Variants in CUBN observed in about 807,000 individuals in gnomAD.
CUBN encodes 460 kDa receptor.
A neutral mutation model predicts 405.3 loss-of-function variants in CUBN; 282 were observed. The ratio of observed to expected loss-of-function variants is 0.70; its 90% CI spans 0.63 to 0.77. The LOEUF is 0.77. Ranked by LOEUF, CUBN falls within the 30% of genes least tolerant of loss-of-function variation. The pLI is 0.00. For missense variants in CUBN, 4,514 were observed against 4,475.2 expected (o/e 1.01, Z -0.25); for synonymous variants, 1,684 against 1,617.0 (o/e 1.04, Z -0.99).
chr10:16,983,048 A>C (rs1456426461), intron 30 of CUBN, among the ~76,000 whole-genome samples: 1 of 152,200 alleles, frequency 6.6e-6, no homozygotes, highest in East Asian at 1.9e-4. Context: ...TTTAAAAATA[A>C]TTTAATATCT....
At chr10:16,902,124 T>C (rs539291961) in intron 51 of CUBN, among the ~76,000 whole-genome samples, 1 of 136,912 alleles carries the variant, frequency 7.3e-6, no homozygotes, top group Admixed American at 7.9e-5. Context: ...ATATATAGTA[T>C]ATATATACAC....
rs144260868 is a variant in CUBN at position 17,000,271 on chromosome 10, A to T, written c.4169-9756T>A. On this transcript the variant is annotated intron_variant, in intron 28 of 66. Coordinates refer to ENST00000377833, the MANE Select transcript of CUBN (RefSeq NM_001081.4). ...CTAAACCTTGGCAACTGACCAGATG[A>T]TCTCCGTGGTTTCTCCCAGATCGGT... Among the ~76,000 whole-genome samples, 210 of 151,890 alleles carry T rather than the reference A, an allele frequency of 1.4e-3. 1 individual carries two copies. The highest frequency in any genetic ancestry group is 6.8e-3 in the Middle Eastern group (2 of 294).
At chr10:17,014,579 A>G (rs1447598965) in intron 28 of CUBN, among the ~76,000 whole-genome samples, 1 of 152,188 alleles carries the variant, frequency 6.6e-6, no homozygotes, top group Non-Finnish European at 1.5e-5. Flanking sequence ...CCCTCTGGCT[A>G]AGATTAGGCC....
intron 22 of CUBN, among the ~76,000 whole-genome samples, chr10:17,065,129 T>TCCC (rs11368099): frequency 2.7e-4 from 33 of 121,542 alleles, no homozygotes; most frequent in East Asian, 6.9e-4. Context: ...TCTCTCTCTC[T>TCCC]CCCCCCCCCC....
intron 17 of CUBN, among the ~76,000 whole-genome samples, 178 bp from the exon 18 acceptor site, chr10:17,072,149 T>C (rs557376189): frequency 5.8e-4 from 89 of 152,186 alleles, no homozygotes; most frequent in Middle Eastern, 3.4e-3. Context: ...TGCAATAACA[T>C]GAAATGCTGA....
intron 33 of CUBN, among the ~76,000 whole-genome samples, chr10:16,950,741 T>G (rs1296483165): frequency 1.3e-5 from 2 of 152,228 alleles, no homozygotes; most frequent in African/African-American, 4.8e-5. Context: ...ATAAGAGGAC[T>G]CCTGGGTAGG....
intron 31 of CUBN, among the ~76,000 whole-genome samples, chr10:16,967,071 A>C (rs1843413058): frequency 6.6e-6 from 1 of 152,338 alleles, no homozygotes; most frequent in East Asian, 1.9e-4. Flanking sequence ...TGAATGCGGA[A>C]GGAAATGAAA....
chr10:16,884,040 C>T (rs759233753), intron 56 of CUBN, among the ~76,000 whole-genome samples: 22 of 152,244 alleles, frequency 1.4e-4, no homozygotes, highest in East Asian at 7.7e-4. Context: ...AGGGCAGTAG[C>T]GCAATCTTGG....
Position 17,125,014 on chromosome 10 carries a change from T to C in CUBN, c.388-1325A>G, listed in dbSNP as rs578100230. Among the ~76,000 whole-genome samples the C allele has an allele frequency of 6.3e-4, 96 of 151,814 alleles. 1 individual carries two copies. Among genetic ancestry groups the C allele is most frequent in the Non-Finnish European group, 2.1e-4 (14 of 67,980 alleles). On this transcript the variant is annotated intron_variant, in intron 4 of 66. Transcript: ENST00000377833. ...GCCTGGCTAATTTTCCTATTTTTAG[T>C]AGAGACAGGGTTCCACCATGTTGAC...
At position 16,869,558 on chromosome 10, in the gene CUBN, G is replaced by C. The variant is rs769403655; in HGVS notation, c.9454+78C>G. On this transcript the variant is annotated intron_variant, in intron 59 of 66. Transcript: ENST00000377833. Reference sequence around the variant, plus strand: ...AAAGCAATCATAATCAGGTGGGGGTGGGGGGGGGGCGGGGAAATTAAATAA... The same window carrying C: ...AAAGCAATCATAATCAGGTGGGGGTCGGGGGGGGGCGGGGAAATTAAATAA... 3.1e-4 allele frequency: 150 copies of C among 488,244 alleles called. No homozygotes were observed. In the African/African-American group the frequency reaches 4.4e-3, roughly 14 times the overall value. The allele number at this position is 488,244 out of a possible 1,614,324, so 30.2% of individuals were successfully genotyped here. A position where few individuals can be genotyped will look rare whatever the true frequency, so the allele number is the denominator to read the frequency against.
At chr10:16,865,339 T>C (rs907586985) in intron 59 of CUBN, among the ~76,000 whole-genome samples, 5 of 152,090 alleles carry the variant, frequency 3.3e-5, no homozygotes, top group African/African-American at 1.2e-4. Flanking sequence ...TGCTTGGGTA[T>C]TTTTGCCTTG....
At chr10:16,842,547 C>T (rs893207221) in intron 60 of CUBN, among the ~76,000 whole-genome samples, 1 of 152,152 alleles carries the variant, frequency 6.6e-6, no homozygotes, top group Non-Finnish European at 1.5e-5. Context: ...CTACTCCAAT[C>T]TACCTTCAAA....
intron 27 of CUBN, among the ~76,000 whole-genome samples, chr10:17,029,370 A>C (rs967208816): frequency 1.3e-5 from 2 of 152,234 alleles, no homozygotes; most frequent in Non-Finnish European, 2.9e-5. Context: ...ATAACTAAAA[A>C]ATCACATTTT....
chr10:17,116,337 G>T (rs191035193), intron 6 of CUBN, among the ~76,000 whole-genome samples: 1 of 152,280 alleles, frequency 6.6e-6, no homozygotes, highest in African/African-American at 2.4e-5. Context: ...CAGCTTAATG[G>T]GAACTTCTAT....
intron 54 of CUBN, among the ~76,000 whole-genome samples, chr10:16,892,056 G>A (rs1044801250): frequency 6.6e-6 from 1 of 152,120 alleles, no homozygotes. Context: ...CTCACCCACA[G>A]CAATAAAACA....
chr10:16,998,885 C>G (rs138901605), intron 28 of CUBN, among the ~76,000 whole-genome samples: 43 of 152,268 alleles, frequency 2.8e-4, no homozygotes, highest in African/African-American at 9.9e-4. Flanking sequence ...TAAGTCATAA[C>G]GATTTTTAGT....
At chr10:16,904,240 G>A (rs1841493536) in intron 50 of CUBN, 125 bp from the exon 51 acceptor site, 2 of 889,640 alleles carry the variant, frequency 2.2e-6, no homozygotes, top group Admixed American at 3.8e-5. Context: ...TTTAGTAGCA[G>A]ACATTGCACA....
intron 53 of CUBN, among the ~76,000 whole-genome samples, chr10:16,900,181 G>A (rs531532155): frequency 6.6e-6 from 1 of 152,264 alleles, no homozygotes; most frequent in South Asian, 2.1e-4. Context: ...TTTATGTTGT[G>A]GACTTATTTT....
chr10:17,092,968 G>A (rs1836297625), intron 14 of CUBN, among the ~76,000 whole-genome samples: 1 of 152,144 alleles, frequency 6.6e-6, no homozygotes, highest in Admixed American at 6.5e-5. Flanking sequence ...GTTTGTTTTA[G>A]TTTTTATCAT....
Sources: gnomAD v4.1 joint callset for allele counts (sites outside exome capture counted in the v4.1 genomes callset) on GRCh38, gnomAD v4.1.1 for gene constraint, MANE v1.5 for transcripts, NCBI Gene and HGNC (gene_info 2026-07-23, HGNC 2026-07-21) for gene names.